Variants in TTF1 observed in about 807,000 individuals in gnomAD.
TTF1 encodes the protein transcription termination factor, RNA polymerase I.
Under a neutral mutation model 80.2 loss-of-function variants are expected in TTF1, and 64 were observed. The ratio of observed to expected loss-of-function variants is 0.80; its 90% CI spans 0.65 to 0.98. The LOEUF is 0.98. Ranked by LOEUF, TTF1 falls within the 50% of genes least tolerant of loss-of-function variation. The probability of loss-of-function intolerance (pLI) is 0.00; values close to 1 mark genes in which losing one functional copy is unlikely to be tolerated. For synonymous variants in TTF1, 372 were observed against 382.7 expected (o/e 0.97, Z 0.33); for missense variants, 1,023 against 1,086.2 (o/e 0.94, Z 0.82).
At chr9:132,398,084 T>C in intron 4 of TTF1, 57 bp downstream of exon 4, 1 of 1,452,284 alleles carries the variant, frequency 6.9e-7, no homozygotes, top group South Asian at 1.4e-5. Flanking sequence ...CCATGGGTTA[T>C]CTTGTTTATG....
At chr9:132,394,635 G>A (rs1485364712) in intron 5 of TTF1, among the ~76,000 whole-genome samples, 3 of 152,096 alleles carry the variant, frequency 2.0e-5, no homozygotes, top group Non-Finnish European at 2.9e-5. Context: ...GCTCAAGCCT[G>A]CAATCCCAGC....
intron 10 of TTF1, 61 bp downstream of exon 10, chr9:132,378,998 A>G (rs1389818277): frequency 3.0e-6 from 4 of 1,352,372 alleles, no homozygotes; most frequent in Non-Finnish European, 4.1e-6. Context: ...GGTGACTTTC[A>G]TTACCAGCAT....
rs1219438481 is a variant in TTF1 at position 132,406,617 on chromosome 9, A to C, written c.-8+173T>G. On this transcript the variant is annotated intron_variant, in intron 1 of 10. Transcript: ENST00000334270. ...AACTCCATCTTTAAAAAAAAAAAAA[A>C]AAAACACCCAAGCCTCAGTTTCCCC... is the stretch of plus-strand genomic sequence containing the variant. 2.0e-4 allele frequency among the ~76,000 whole-genome samples: 31 copies of C among 151,342 alleles called. No homozygotes were observed. In the East Asian group the frequency reaches 2.9e-3, roughly 14 times the overall value.
Position 132,402,171 on chromosome 9 carries a change from GT to G in TTF1, c.650del (p.Asn217ThrfsTer51). 3.7e-6 allele frequency: 6 copies of G among 1,613,922 alleles called. No homozygotes were observed. The highest frequency in any genetic ancestry group is 5.1e-6 in the Non-Finnish European group (6 of 1,179,998). On this transcript the variant is annotated frameshift_variant, in exon 2 of 11. Coordinates refer to ENST00000334270, the MANE Select transcript of TTF1 (RefSeq NM_007344.4). LOFTEE classifies it high-confidence loss of function. ...ITELPASAHK[N>X]KSKKKKKKSS... ...ACTTTTTCTTTTTTTTCTTAGACTT[GT>G]TTTTATGAGCAGATGCTGGTAGTTC...
chr9:132,405,871 A>G (rs1315465614), intron 1 of TTF1, among the ~76,000 whole-genome samples: 1 of 152,148 alleles, frequency 6.6e-6, no homozygotes, highest in Non-Finnish European at 1.5e-5. Flanking sequence ...TTCCATCAGG[A>G]AAGCTCTTCC....
Position 132,376,108 on chromosome 9 carries a change from A to AT in TTF1, c.2524dup (p.Met842AsnfsTer8). 2 of 1,613,988 alleles carry AT rather than the reference A, an allele frequency of 1.2e-6. No homozygotes were observed. The highest frequency in any genetic ancestry group is 1.7e-6 in the Non-Finnish European group (2 of 1,180,008). ...GATTTTAGTGCCTTTTTTCTCCATC[A>AT]TTTTTTCTAACTTTTCCTTCAGCAA... is the stretch of plus-strand genomic sequence containing the variant. On this transcript the variant is annotated frameshift_variant, in exon 11 of 11. Coordinates refer to ENST00000334270, the MANE Select transcript of TTF1 (RefSeq NM_007344.4). LOFTEE classifies it low-confidence loss of function (END_TRUNC).
chr9:132,376,467 C>T (rs888671377), intron 10 of TTF1, among the ~76,000 whole-genome samples: 1 of 152,096 alleles, frequency 6.6e-6, no homozygotes, highest in Non-Finnish European at 1.5e-5. Context: ...GTCTGCTGAA[C>T]GCAAAGACGC....
rs763720073 is a variant in TTF1, at chr9:132,401,783, C to T, written c.1039G>A (p.Val347Met). ...KKSNHQEFEA[V>M]AMPESLESAY... ...CTCTCGAGGCTCTCAGGCATGGCCA[C>T]TGCCTCAAATTCCTGGTGATTGGAC... is the stretch of plus-strand genomic sequence containing the variant. The change falls in exon 2 of 11, where the codon GTG (valine) becomes ATG (methionine). Residue 347 changes from valine to methionine, a missense_variant. Physicochemically the swap from Val to Met is conservative, Grantham distance 21 (BLOSUM62 1). Coordinates refer to ENST00000334270, the MANE Select transcript of TTF1 (RefSeq NM_007344.4). 25 of 1,613,824 alleles carry T rather than the reference C, an allele frequency of 1.5e-5. No homozygotes were observed. The highest frequency in any genetic ancestry group is 2.0e-5 in the Non-Finnish European group (24 of 1,180,010).
At chr9:132,385,405 C>T (rs972962357) in intron 9 of TTF1, among the ~76,000 whole-genome samples, 6 of 152,200 alleles carry the variant, frequency 3.9e-5, no homozygotes, top group African/African-American at 1.4e-4. Context: ...ATGTCTGGAG[C>T]GTGTGCTGAG....
chr9:132,388,160 GC>G lies in TTF1; in HGVS notation c.2290del (p.Ala764ProfsTer12). 1 of 1,611,794 alleles carries G rather than the reference GC, an allele frequency of 6.2e-7. No homozygotes were observed. The highest frequency in any genetic ancestry group is 8.5e-7 in the Non-Finnish European group (1 of 1,178,356). ...RIYYGMNALR[A>X]KVSLIERLYE... ...ATACCTTTCAATAAGGCTGACCTTG[GC>G]CCGCAGGGCATTCATGCCATAGTAG... On this transcript the variant is annotated frameshift_variant, in exon 8 of 11. Coordinates refer to ENST00000334270, the MANE Select transcript of TTF1 (RefSeq NM_007344.4). LOFTEE classifies it high-confidence loss of function.
Position 132,390,665 on chromosome 9 carries a change from C to A in TTF1, c.2154G>T (p.Lys718Asn). 3 of 1,614,204 alleles carry A rather than the reference C, an allele frequency of 1.9e-6. No individual in the cohort carries two copies. Among genetic ancestry groups the A allele is most frequent in the Middle Eastern group, 1.6e-4 (1 of 6,062 alleles). ...CLSIVREKLYKGISWVEVEAK... is the reference protein window; with the variant it reads ...CLSIVREKLYNGISWVEVEAK... Reference sequence around the variant, plus strand: ...CTTCTACTTCTACCCAAGATATGCCCTTGTAGAGTTTTTCCCGAACAATTG... The same window carrying A: ...CTTCTACTTCTACCCAAGATATGCCATTGTAGAGTTTTTCCCGAACAATTG... The change falls in exon 7 of 11, where the codon AAG becomes AAT. Residue 718 changes from lysine to asparagine, a missense_variant. Lys to Asn is a moderately conservative substitution (Grantham distance 94, BLOSUM62 0). Coordinates refer to ENST00000334270, the MANE Select transcript of TTF1 (RefSeq NM_007344.4).
At chr9:132,389,307 C>A (rs536192316) in intron 7 of TTF1, among the ~76,000 whole-genome samples, 1 of 151,554 alleles carries the variant, frequency 6.6e-6, no homozygotes, top group East Asian at 1.9e-4. Context: ...CTCAGCCTCC[C>A]GAGTAGCTGG....
intron 4 of TTF1, among the ~76,000 whole-genome samples, chr9:132,397,879 A>G (rs546201): frequency 0.76 from 115,187 of 151,432 alleles, 44,947 homozygotes; most frequent in Non-Finnish European, 0.86. Context: ...CCAGCTACTC[A>G]GGAGGCTGAG....
At chr9:132,388,946 G>A (rs1465848112) in intron 7 of TTF1, among the ~76,000 whole-genome samples, 1 of 152,202 alleles carries the variant, frequency 6.6e-6, no homozygotes, top group Non-Finnish European at 1.5e-5. Context: ...TGCTCTTAAT[G>A]AGAGCCATCC....
At chr9:132,393,019 T>A (rs2065420) in intron 5 of TTF1, among the ~76,000 whole-genome samples, 15,655 of 152,144 alleles carry the variant, frequency 0.1, 944 homozygotes, top group East Asian at 0.29. Context: ...TAACTACATT[T>A]CAAATGTTCC....
rs765622724 is a variant in TTF1, at chr9:132,402,064, G to A, written c.758C>T (p.Ser253Phe). 14 of 1,613,946 alleles carry A rather than the reference G, an allele frequency of 8.7e-6. No homozygotes were observed. The highest frequency in any genetic ancestry group is 1.1e-5 in the Non-Finnish European group (13 of 1,180,018). ...ATCATCCAAGCCCACAGTAGGCTGG[G>A]ATTCCTGCATATCAGTCCCGGCCTC... is the stretch of plus-strand genomic sequence containing the variant. ...GREAGTDMQE[S>F]QPTVGLDDET... is the part of the protein sequence containing the mutation. The change falls in exon 2 of 11, where the codon TCC (serine) becomes TTC (phenylalanine). Residue 253 changes from serine (S) to phenylalanine (F), a missense_variant. Transcript: ENST00000334270.
At chr9:132,380,144 A>G (rs1247203355) in intron 9 of TTF1, among the ~76,000 whole-genome samples, 1 of 151,804 alleles carries the variant, frequency 6.6e-6, no homozygotes, top group Non-Finnish European at 1.5e-5. Context: ...TTCTCAGTTC[A>G]CTGCAACTTC....
chr9:132,404,394 CTCTG>C (rs1467620076), intron 1 of TTF1, among the ~76,000 whole-genome samples: 2 of 152,054 alleles, frequency 1.3e-5, no homozygotes, highest in South Asian at 2.1e-4. Context: ...TCCTCTCTCT[CTCTG>C]TCTCGCTGCA....
chr9:132,376,801 C>T (rs1460044384), intron 10 of TTF1, among the ~76,000 whole-genome samples: 1 of 151,950 alleles, frequency 6.6e-6, no homozygotes, highest in East Asian at 1.9e-4. Context: ...CCACCTCAGC[C>T]TCCCAAGTAG....
Sources: allele counts gnomAD v4.1 joint callset (sites outside exome capture counted in the v4.1 genomes callset), GRCh38; gene constraint gnomAD v4.1.1; transcripts MANE v1.5; gene names NCBI Gene and HGNC (gene_info 2026-07-23, HGNC 2026-07-21).